The following SBF2 variants were observed in gnomAD, a reference collection of about 807,000 sequenced individuals.
SBF2 encodes myotubularin-related protein 13.
In SBF2, 112 loss-of-function variants were observed where a neutral mutation model predicts 225.2. The ratio of observed to expected loss-of-function variants is 0.50; its 90% confidence interval spans 0.43 to 0.58. SBF2 has a LOEUF of 0.58. Among genes scored for constraint, SBF2 ranks in the 20% least tolerant of loss-of-function variants. The pLI, the probability that SBF2 is intolerant of heterozygous loss-of-function variation, is 0.00. For synonymous variants in SBF2, 763 were observed against 773.3 expected (o/e 0.99, Z 0.22); for missense variants, 1,996 against 2,206.2 (o/e 0.90, Z 1.91).
At chr11:9,819,247 C>T (rs565024992) in intron 28 of SBF2, 3 of 152,186 alleles carry the variant, frequency 2.0e-5, no homozygotes, top group African/African-American at 7.2e-5. Flanking sequence ...TGGACTCTTC[C>T]CTTAGCTGAA....
chr11:10,187,979 T>C (rs1957003807), intron 2 of SBF2, among the ~76,000 whole-genome samples: 1 of 152,176 alleles, frequency 6.6e-6, no homozygotes, highest in East Asian at 1.9e-4. Context: ...AATATTAAAA[T>C]ATTAACAGAT....
chr11:9,845,398 T>C (rs1856465803), intron 24 of SBF2, among the ~76,000 whole-genome samples, 167 bp downstream of exon 24: 1 of 152,200 alleles, frequency 6.6e-6, no homozygotes, highest in Non-Finnish European at 1.5e-5. Context: ...GCTACATTTA[T>C]CAATGCTGCT....
At chr11:9,822,471 A>G (rs973570416) in intron 28 of SBF2, among the ~76,000 whole-genome samples, 8 of 152,126 alleles carry the variant, frequency 5.3e-5, no homozygotes, top group Admixed American at 3.3e-4. Context: ...TGTGTTAGCC[A>G]GGATGGTCTC....
intron 2 of SBF2, among the ~76,000 whole-genome samples, chr11:10,174,081 G>A (rs1956344805): frequency 6.6e-6 from 1 of 151,812 alleles, no homozygotes; most frequent in African/African-American, 2.4e-5. Flanking sequence ...CAGAAAAACT[G>A]GAAACTCTAA....
chr11:9,783,871 T>C (rs1852194645), intron 38 of SBF2, among the ~76,000 whole-genome samples: 3 of 152,076 alleles, frequency 2.0e-5, no homozygotes, highest in South Asian at 4.1e-4. Context: ...ACAGAGGTGG[T>C]GTTCGATAAA....
chr11:10,195,834 C>G (rs1387973694), intron 1 of SBF2, among the ~76,000 whole-genome samples: 1 of 152,158 alleles, frequency 6.6e-6, no homozygotes. Flanking sequence ...TTATCTATCT[C>G]TTGTTATAGG....
At chr11:9,932,956 GCAAAAAAAAAAAAAAAA>G (rs1308601343) in intron 16 of SBF2, among the ~76,000 whole-genome samples, 1 of 5,376 alleles carries the variant, frequency 1.9e-4, no homozygotes, top group East Asian at 8.9e-3. Context: ...CAAACGAAAA[GCAAAAAAAAAAAAAAAA>G]AAAAAAAAAA....
chr11:10,031,169 C>T lies in SBF2; in HGVS notation c.281G>A (p.Gly94Glu). 6.2e-7 allele frequency: 1 copy of T among 1,613,006 alleles called. No individual in the cohort carries two copies. The highest frequency in any genetic ancestry group is 8.5e-7 in the Non-Finnish European group (1 of 1,179,464). Residue 94 changes from glycine to glutamate, a missense_variant and splice_region_variant, in exon 4 of 40, where the codon GGA becomes GAA. By Grantham distance (98) the Gly-to-Glu change is moderately conservative. Transcript: ENST00000256190. ...TFYEAEINLQ[G>E]TKKEEIEGEA... Reference sequence around the variant, plus strand: ...ACCTTCAATCTCTTCCTTCTTTGTTCCCTAGAAAAAGAGACACTGAAATCA... The same window carrying T: ...ACCTTCAATCTCTTCCTTCTTTGTTTCCTAGAAAAAGAGACACTGAAATCA...
chr11:9,975,167 T>C (rs1946629135), intron 13 of SBF2, among the ~76,000 whole-genome samples: 1 of 152,080 alleles, frequency 6.6e-6, no homozygotes, highest in East Asian at 1.9e-4. Context: ...TCCTAGGTAT[T>C]CATACAAGAG....
At chr11:10,085,252 T>C (rs892713018) in intron 2 of SBF2, among the ~76,000 whole-genome samples, 7 of 152,238 alleles carry the variant, frequency 4.6e-5, no homozygotes, top group African/African-American at 1.2e-4. Flanking sequence ...GTTTCTTCAC[T>C]GTTTCTTTTA....
At chr11:10,191,208 A>G (rs1182802047) in intron 2 of SBF2, among the ~76,000 whole-genome samples, 1 of 152,178 alleles carries the variant, frequency 6.6e-6, no homozygotes, top group Non-Finnish European at 1.5e-5. Context: ...GGAAACAACA[A>G]ACCACTTAAG....
At chr11:9,895,828 T>C in intron 17 of SBF2, 115 bp downstream of exon 17, 1 of 779,798 alleles carries the variant, frequency 1.3e-6, no homozygotes, top group Admixed American at 1.8e-5. Flanking sequence ...TAACCGCAGA[T>C]ATATCTTAGG....
chr11:10,180,752 C>A (rs1956706498), intron 2 of SBF2, among the ~76,000 whole-genome samples: 1 of 152,124 alleles, frequency 6.6e-6, no homozygotes, highest in Non-Finnish European at 1.5e-5. Context: ...AGGTATGCTT[C>A]ATTCTTTTTT....
At chr11:10,110,435 TAAAGAG>T (rs927203988) in intron 2 of SBF2, among the ~76,000 whole-genome samples, 1 of 152,130 alleles carries the variant, frequency 6.6e-6, no homozygotes, top group Non-Finnish European at 1.5e-5. Context: ...ATTTGCAAAT[TAAAGAG>T]AAAAAGTATT....
At chr11:10,085,400 G>C (rs1951526072) in intron 2 of SBF2, among the ~76,000 whole-genome samples, 1 of 151,986 alleles carries the variant, frequency 6.6e-6, no homozygotes, top group African/African-American at 2.4e-5. Context: ...GGACTATCCG[G>C]AATTTTCTCT....
chr11:9,876,764 G>A (rs1859282833), intron 17 of SBF2, among the ~76,000 whole-genome samples: 1 of 152,152 alleles, frequency 6.6e-6, no homozygotes, highest in African/African-American at 2.4e-5. Context: ...TTTTGAGATG[G>A]AGTCTTGCTC....
rs1293817306 is a variant in SBF2 at position 9,852,759 on chromosome 11, G to A, written c.2537-10C>T. On this transcript the variant is annotated splice_polypyrimidine_tract_variant and intron_variant, in intron 20 of 39. Transcript: ENST00000256190. The stretch of plus-strand genomic sequence containing the variant: ...TGCATAGCTACAATTCCTAGGATGA[G>A]TCAGAGTATTCAAAATGAAAGAACA... 6.3e-7 allele frequency: 1 copy of A among 1,592,890 alleles called. No individual in the cohort carries two copies. Among genetic ancestry groups the A allele is most frequent in the African/African-American group, 1.3e-5 (1 of 74,618 alleles).
chr11:10,290,772 G>C (rs1964111088), intron 1 of SBF2, among the ~76,000 whole-genome samples: 1 of 152,092 alleles, frequency 6.6e-6, no homozygotes. Context: ...TCAATATACA[G>C]AGATAATAAA....
At chr11:9,903,243 AC>A (rs1861867445) in intron 16 of SBF2, among the ~76,000 whole-genome samples, 1 of 152,032 alleles carries the variant, frequency 6.6e-6, no homozygotes, top group African/African-American at 2.4e-5. Context: ...AAGGGCGTGA[AC>A]CCGGGAGGCA....
Sources: allele counts gnomAD v4.1 joint callset (sites outside exome capture counted in the v4.1 genomes callset), GRCh38; gene constraint gnomAD v4.1.1; transcripts MANE v1.5; gene names NCBI Gene and HGNC (gene_info 2026-07-23, HGNC 2026-07-21).